The following SUPT16H variants were observed in gnomAD, a reference collection of about 807,000 sequenced individuals.
SUPT16H encodes the protein FACT complex subunit SPT16.
Under a neutral mutation model 136.2 loss-of-function variants are expected in SUPT16H, and 24 were observed. The observed-to-expected ratio is 0.18, with a 90% CI of 0.13 to 0.25. The LOEUF is 0.25. Among genes scored for constraint, SUPT16H ranks in the 10% least tolerant of loss-of-function variants. SUPT16H has a pLI of 1.00. For synonymous variants in SUPT16H, 415 were observed against 428.2 expected (o/e 0.97, Z 0.38); for missense variants, 623 against 1,270.2 (o/e 0.49, Z 7.74).
intron 5 of SUPT16H, 183 bp from the exon 6 acceptor site, chr14:21,369,538 T>C (rs1359581875): frequency 2.1e-6 from 2 of 952,312 alleles, no homozygotes; most frequent in Non-Finnish European, 3.1e-6. Flanking sequence ...GACTTACAGC[T>C]ATTCCTATGA....
At position 21,351,505 on chromosome 14, in the gene SUPT16H, A is replaced by G. The variant is rs573199185; in HGVS notation, c.*1168T>C. 4.1e-5 allele frequency: 11 copies of G among 268,670 alleles called. No homozygotes were observed. The South Asian group carries it at 1.3e-3, about 32-fold the overall frequency. 16.6% of individuals were successfully genotyped at this position (268,670 alleles called of 1,614,324 possible). A position where few individuals can be genotyped will look rare whatever the true frequency, so the allele number is the denominator to read the frequency against. ...CAAAAACAAACAACAAAAAAAACCC[A>G]GTTTATTCATCTTTTAGTTCTTCCA... On this transcript the variant is annotated 3_prime_UTR_variant, in exon 26 of 26. Coordinates refer to ENST00000216297, the MANE Select transcript of SUPT16H (RefSeq NM_007192.4).
At chr14:21,381,817 C>G (rs1887033080) in intron 1 of SUPT16H, among the ~76,000 whole-genome samples, 1 of 145,718 alleles carries the variant, frequency 6.9e-6, no homozygotes, top group South Asian at 2.2e-4. Flanking sequence ...ACGGGGGTCT[C>G]ATCATCTTGC....
At chr14:21,366,557 A>G (rs1594304000) in intron 7 of SUPT16H, 28 bp from the exon 8 acceptor site, 1 of 1,590,036 alleles carries the variant, frequency 6.3e-7, no homozygotes, top group South Asian at 1.1e-5. Flanking sequence ...AGGAGATATT[A>G]AAGTATCTTT....
chr14:21,366,295 T>C (rs1242079570), intron 8 of SUPT16H, 144 bp downstream of exon 8: 4 of 750,362 alleles, frequency 5.3e-6, no homozygotes, highest in Non-Finnish European at 8.9e-6. Flanking sequence ...CCTTCTCTGA[T>C]AACATCATGT....
chr14:21,360,045 T>G (rs1450568954), intron 18 of SUPT16H, among the ~76,000 whole-genome samples: 1 of 152,160 alleles, frequency 6.6e-6, no homozygotes, highest in African/African-American at 2.4e-5. Context: ...ACTTTTTTGT[T>G]TTTTGTTTTT....
intron 4 of SUPT16H, 61 bp downstream of exon 4, chr14:21,370,275 G>A (rs1886757845): frequency 6.4e-7 from 1 of 1,571,088 alleles, no homozygotes; most frequent in African/African-American, 1.4e-5. Context: ...ATCTGTTATG[G>A]AAGCCCATCA....
In SUPT16H at chr14:21,365,086, T is replaced by C. The variant is rs1049648762; in HGVS notation, c.1104A>G (p.Gln368=). The change falls in exon 9 of 26, where the codon CAA becomes CAG. Residue 368 remains glutamine (Q), a synonymous_variant. Transcript: ENST00000216297. The stretch of plus-strand genomic sequence containing the variant: ...GAAACTTACCTTTCTTCAGTTTGTA[T>C]TGATTTTTGCTATTGATTACTAGGG... ...EGSLVINSKN[Q]YKLKKGMVFS... 4 of 1,613,736 alleles carry C rather than the reference T, an allele frequency of 2.5e-6. No individual in the cohort carries two copies. The highest frequency in any genetic ancestry group is 1.3e-5 in the African/African-American group (1 of 74,918).
intron 17 of SUPT16H, 80 bp downstream of exon 17, chr14:21,360,766 C>T (rs1886533988): frequency 3.9e-6 from 6 of 1,545,550 alleles, no homozygotes; most frequent in Non-Finnish European, 4.4e-6. Flanking sequence ...GGCTCTTTGT[C>T]ATATTTTATT....
At chr14:21,354,587 CAT>C in intron 22 of SUPT16H, 47 bp from the exon 23 acceptor site, 1 of 1,601,012 alleles carries the variant, frequency 6.2e-7, no homozygotes, top group Non-Finnish European at 8.5e-7. Flanking sequence ...CTGTATTTTC[CAT>C]ATATTCTTTC....
rs1886759941 is a variant in SUPT16H, at chr14:21,370,397, T to C, written c.422A>G (p.Lys141Arg). ...GCTCTTCATGAACTCTCCAGGGAAT[T>C]TGTCTTTGCTGAACACTCCAATCTT... is the stretch of plus-strand genomic sequence containing the variant. The part of the protein sequence containing the change: ...GKKIGVFSKD[K>R]FPGEFMKSWN... Residue 141 changes from lysine to arginine, a missense_variant, in exon 4 of 26, where the codon AAA (lysine) becomes AGA (arginine). Coordinates refer to ENST00000216297, the MANE Select transcript of SUPT16H (RefSeq NM_007192.4). The C allele has an allele frequency of 2.5e-6, 4 of 1,613,766 alleles. No individual in the cohort carries two copies. The highest frequency in any genetic ancestry group is 2.2e-5 in the East Asian group (1 of 44,872).
Position 21,368,444 on chromosome 14 carries a change from A to G in SUPT16H, c.783-3T>C, listed in dbSNP as rs751976707. The G allele has an allele frequency of 6.3e-7, 1 of 1,590,714 alleles. No homozygotes were observed. Among genetic ancestry groups the G allele is most frequent in the South Asian group, 1.1e-5 (1 of 87,344 alleles). On this transcript the variant is annotated splice_polypyrimidine_tract_variant and splice_region_variant and intron_variant, in intron 6 of 25. Transcript: ENST00000216297. ...CAAAGTGCATATGATTCTTGTCACT[A>G]GAGACCAACAAAGAAAGAAAACATT... is the stretch of plus-strand genomic sequence containing the variant.
chr14:21,358,027 T>C (rs370249580), intron 20 of SUPT16H, 25 bp from the exon 21 acceptor site: 23 of 1,603,072 alleles, frequency 1.4e-5, no homozygotes, highest in African/African-American at 1.3e-4. Flanking sequence ...CTTTTAAGAC[T>C]GAGCTCATCA....
intron 4 of SUPT16H, 65 bp from the exon 5 acceptor site, chr14:21,369,961 C>T: frequency 6.4e-7 from 1 of 1,565,496 alleles, no homozygotes; most frequent in Non-Finnish European, 8.7e-7. Context: ...ATGCATCTCT[C>T]CAATTTGAAT....
At chr14:21,360,280 G>C in intron 18 of SUPT16H, 135 bp downstream of exon 18, 2 of 605,310 alleles carry the variant, frequency 3.3e-6, no homozygotes, top group South Asian at 2.2e-5. Context: ...CACCCACCTC[G>C]GCCTCCCAAA....
At position 21,368,447 on chromosome 14, in the gene SUPT16H, G is replaced by C. The variant is rs76277294; in HGVS notation, c.783-6C>G. 4.0e-3 allele frequency: 6,284 copies of C among 1,583,334 alleles called. 47 individuals carry two copies. Among genetic ancestry groups the C allele is most frequent in the African/African-American group, 0.033 (2,450 of 73,442 alleles). ...AGTGCATATGATTCTTGTCACTAGAGACCAACAAAGAAAGAAAACATTTCA... is the reference window on the plus strand; with the variant it reads ...AGTGCATATGATTCTTGTCACTAGACACCAACAAAGAAAGAAAACATTTCA... On this transcript the variant is annotated splice_polypyrimidine_tract_variant and splice_region_variant and intron_variant, in intron 6 of 25. Transcript: ENST00000216297.
chr14:21,358,477 C>A, intron 19 of SUPT16H, 50 bp from the exon 20 acceptor site: 1 of 1,329,976 alleles, frequency 7.5e-7, no homozygotes, highest in South Asian at 1.2e-5. Context: ...GTTAACAGTA[C>A]CTCCCCTCAA....
At position 21,352,760 on chromosome 14, in the gene SUPT16H, C is replaced by T; in HGVS notation, c.3057G>A (p.Lys1019=). ...CCGAACTGTGCACAGATGCCTTCCT[C>T]TTCCGGCTCATACTTCGACTTTGTT... is the stretch of plus-strand genomic sequence containing the variant. ...EEEQSRSMSR[K]RKASVHSSGR... is the part of the protein sequence containing the mutation. Residue 1019 remains lysine (K), a synonymous_variant, in exon 26 of 26, where the codon AAG becomes AAA. Transcript: ENST00000216297. 4 of 1,614,098 alleles carry T rather than the reference C, an allele frequency of 2.5e-6. No individual in the cohort carries two copies. In the Middle Eastern group the frequency reaches 6.6e-4, roughly 266 times the overall value.
At chr14:21,354,747 A>C in intron 22 of SUPT16H, 1 of 420,772 alleles carries the variant, frequency 2.4e-6, no homozygotes, top group Non-Finnish European at 4.1e-6. Context: ...GCATGCCACC[A>C]TGCCTGGCTA....
intron 19 of SUPT16H, 50 bp downstream of exon 19, chr14:21,359,434 G>A: frequency 6.3e-7 from 1 of 1,597,296 alleles, no homozygotes; most frequent in Non-Finnish European, 8.5e-7. Context: ...CTTGGATTTG[G>A]CCTCATCCTC....
Sources: gnomAD v4.1 joint callset for allele counts (sites outside exome capture counted in the v4.1 genomes callset) on GRCh38, gnomAD v4.1.1 for gene constraint, MANE v1.5 for transcripts, NCBI Gene and HGNC (gene_info 2026-07-23, HGNC 2026-07-21) for gene names.